CCNY: variants seen among roughly 807,000 people sequenced by gnomAD.
The protein encoded by CCNY is cyclin Y.
A neutral mutation model predicts 42.8 loss-of-function variants in CCNY; 19 were observed. The ratio of observed to expected loss-of-function variants is 0.44; its 90% CI spans 0.31 to 0.65. CCNY has a LOEUF of 0.65. CCNY is among the 30% of genes least tolerant of loss of function. CCNY has a pLI of 0.07. For synonymous variants in CCNY, 165 were observed against 162.7 expected, an observed-to-expected ratio of 1.01 and a Z score of -0.11; for missense variants, 370 against 437.3, an observed-to-expected ratio of 0.85 and a Z score of 1.37.
intron 3 of CCNY, among the ~76,000 whole-genome samples, chr10:35,271,641 C>T (rs542125652): frequency 1.3e-5 from 2 of 152,318 alleles, no homozygotes; most frequent in East Asian, 3.9e-4. Flanking sequence ...GAAATCTGAG[C>T]TTCCCACTCT....
intron 4 of CCNY, among the ~76,000 whole-genome samples, chr10:35,524,057 G>A (rs148582174): frequency 3.1e-3 from 471 of 152,272 alleles, no homozygotes; most frequent in Middle Eastern, 0.017. Context: ...GTAAACGAAT[G>A]AAACTAATTC....
intron 9 of CCNY, among the ~76,000 whole-genome samples, chr10:35,567,498 C>T (rs1841596154): frequency 6.6e-6 from 1 of 152,198 alleles, no homozygotes; most frequent in Admixed American, 6.5e-5. Context: ...GCCTTGGTCT[C>T]ATCCCATAGA....
Position 35,569,293 on chromosome 10 carries a change from T to C in CCNY, c.*123T>C. ...TTTTCTTTTTTTACGCATAGCTCCG[T>C]CAAGCTGCCTGGATGAGCGCCCATG... On this transcript the variant is annotated 3_prime_UTR_variant, in exon 10 of 10. Transcript: ENST00000374704. 1 of 666,886 alleles carries C rather than the reference T, an allele frequency of 1.5e-6. No individual in the cohort carries two copies. Among genetic ancestry groups the C allele is most frequent in the South Asian group, 1.7e-5 (1 of 57,770 alleles). 41.3% of individuals were successfully genotyped at this position (666,886 alleles called of 1,614,324 possible).
chr10:35,255,352 G>A (rs1031969778), intron 3 of CCNY, among the ~76,000 whole-genome samples: 10 of 146,026 alleles, frequency 6.8e-5, no homozygotes, highest in South Asian at 4.3e-4. Flanking sequence ...ACAGAGTCCC[G>A]CTCTGTCACC....
intron 3 of CCNY, among the ~76,000 whole-genome samples, chr10:35,299,054 G>T (rs568544423): frequency 8.1e-4 from 123 of 152,290 alleles, no homozygotes; most frequent in African/African-American, 2.6e-3. Context: ...CAAAGTGATT[G>T]TAACATTTCA....
At chr10:35,290,432 T>C (rs1247210865) in intron 3 of CCNY, among the ~76,000 whole-genome samples, 1 of 151,860 alleles carries the variant, frequency 6.6e-6, no homozygotes, top group Non-Finnish European at 1.5e-5. Context: ...AAAAAAATCA[T>C]AAAAGGGTGT....
chr10:35,269,640 T>G (rs7920960), intron 3 of CCNY, among the ~76,000 whole-genome samples: 4,088 of 143,286 alleles, frequency 0.029, 168 homozygotes, highest in South Asian at 0.11. Flanking sequence ...TGTTTTGTTT[T>G]TTTTTTGAGA....
At chr10:35,320,464 T>C (rs1835807831) in intron 3 of CCNY, among the ~76,000 whole-genome samples, 1 of 152,218 alleles carries the variant, frequency 6.6e-6, no homozygotes, top group South Asian at 2.1e-4. Context: ...AGGGACCTTC[T>C]TCATCCTGGT....
At chr10:35,470,905 A>G (rs1470253311) in intron 1 of CCNY, among the ~76,000 whole-genome samples, 2 of 152,244 alleles carry the variant, frequency 1.3e-5, no homozygotes, top group Non-Finnish European at 1.5e-5. Flanking sequence ...TGTTGATTTC[A>G]TAATTGCCTC....
intron 3 of CCNY, among the ~76,000 whole-genome samples, chr10:35,255,325 C>CA (rs1736733539): frequency 7.1e-6 from 1 of 140,484 alleles, no homozygotes. Flanking sequence ...TAATTTTTTT[C>CA]TTTTTTTTTT....
At chr10:35,363,797 A>G (rs971744783) in intron 1 of CCNY, among the ~76,000 whole-genome samples, 2 of 152,192 alleles carry the variant, frequency 1.3e-5, no homozygotes, top group Non-Finnish European at 2.9e-5. Flanking sequence ...TGAGTGAACC[A>G]GCAATATAAT....
intron 1 of CCNY, among the ~76,000 whole-genome samples, chr10:35,338,346 T>C (rs1226181094): frequency 6.6e-6 from 1 of 152,252 alleles, no homozygotes; most frequent in Non-Finnish European, 1.5e-5. Context: ...GAGAGCATCT[T>C]TATTAAATGA....
chr10:35,262,149 C>A (rs187570318), intron 3 of CCNY, among the ~76,000 whole-genome samples: 116 of 150,382 alleles, frequency 7.7e-4, no homozygotes, highest in African/African-American at 2.7e-3. Flanking sequence ...GTAGTCCCAG[C>A]TACTTGGGAA....
At chr10:35,524,337 T>TTAA (rs1182261593) in intron 4 of CCNY, among the ~76,000 whole-genome samples, 1 of 152,248 alleles carries the variant, frequency 6.6e-6, no homozygotes, top group African/African-American at 2.4e-5. Context: ...AAAAAGGATG[T>TTAA]ATTAGCACTT....
chr10:35,397,053 C>T (rs1416197670), intron 1 of CCNY, among the ~76,000 whole-genome samples: 6 of 152,224 alleles, frequency 3.9e-5, no homozygotes, highest in Non-Finnish European at 7.4e-5. Context: ...TCCAGGTGCC[C>T]CTTGGACCCC....
chr10:35,534,670 C>T (rs1840843699), intron 7 of CCNY, among the ~76,000 whole-genome samples: 2 of 151,974 alleles, frequency 1.3e-5, no homozygotes, highest in African/African-American at 2.4e-5. Context: ...ATTGTACAAC[C>T]ATCACTACAA....
chr10:35,257,143 T>C (rs967462944), intron 3 of CCNY, among the ~76,000 whole-genome samples: 2 of 152,288 alleles, frequency 1.3e-5, no homozygotes, highest in South Asian at 2.1e-4. Context: ...ACTGTATGAC[T>C]TTCTTGAGCA....
chr10:35,472,779 T>G (rs1178453493), intron 1 of CCNY, among the ~76,000 whole-genome samples: 1 of 152,226 alleles, frequency 6.6e-6, no homozygotes, highest in Non-Finnish European at 1.5e-5. Context: ...ATACATGTTT[T>G]GTCTCACCAT....
At chr10:35,484,407 TTTAG>T (rs908165858) in intron 2 of CCNY, among the ~76,000 whole-genome samples, 1 of 152,208 alleles carries the variant, frequency 6.6e-6, no homozygotes, top group African/African-American at 2.4e-5. Context: ...ATTGGGAATC[TTTAG>T]TTAGGCAAGC....
Sources: gnomAD v4.1 joint callset for allele counts (sites outside exome capture counted in the v4.1 genomes callset) on GRCh38, gnomAD v4.1.1 for gene constraint, MANE v1.5 for transcripts, NCBI Gene and HGNC (gene_info 2026-07-23, HGNC 2026-07-21) for gene names.